Variants in TAX1BP1 observed in about 807,000 individuals in gnomAD.
TAX1BP1 encodes the protein Tax1 binding protein 1.
A neutral mutation model predicts 97.7 loss-of-function variants in TAX1BP1; 62 were observed. The ratio of observed to expected loss-of-function variants is 0.63; its 90% confidence interval spans 0.52 to 0.78. The LOEUF (loss-of-function observed/expected upper bound fraction) is 0.78. TAX1BP1 is among the 30% of genes least tolerant of loss of function. TAX1BP1 has a pLI of 0.00. For synonymous variants in TAX1BP1, 340 were observed against 304.2 expected, an observed-to-expected ratio of 1.12 and a Z score of -1.23; for missense variants, 867 against 916.1, an observed-to-expected ratio of 0.95 and a Z score of 0.69.
At chr7:27,825,697 C>T (rs1347483714) in intron 15 of TAX1BP1, among the ~76,000 whole-genome samples, 3 of 151,788 alleles carry the variant, frequency 2.0e-5, no homozygotes, top group African/African-American at 7.3e-5. Context: ...GTTAACATGT[C>T]TGACAGTTTG....
chr7:27,785,695 T>TA (rs1249241875), intron 7 of TAX1BP1, among the ~76,000 whole-genome samples: 1 of 152,176 alleles, frequency 6.6e-6, no homozygotes, highest in African/African-American at 2.4e-5. Context: ...CAAGATGGCT[T>TA]ACTCCAGTGG....
intron 15 of TAX1BP1, among the ~76,000 whole-genome samples, chr7:27,820,095 A>T (rs148565835): frequency 1.2e-4 from 18 of 152,352 alleles, no homozygotes; most frequent in Middle Eastern, 6.8e-3. Flanking sequence ...CATTTGGGAT[A>T]CGCTATTTTA....
At chr7:27,747,485 A>T (rs1787869716) in intron 1 of TAX1BP1, among the ~76,000 whole-genome samples, 2 of 152,234 alleles carry the variant, frequency 1.3e-5, no homozygotes, top group African/African-American at 4.8e-5. Context: ...TATTTTAATC[A>T]GTAAACATGT....
At chr7:27,743,589 T>G (rs534642704) in intron 1 of TAX1BP1, among the ~76,000 whole-genome samples, 1 of 152,284 alleles carries the variant, frequency 6.6e-6, no homozygotes, top group East Asian at 1.9e-4. Flanking sequence ...TTTATTTGCT[T>G]TGGTTTTACT....
intron 5 of TAX1BP1, among the ~76,000 whole-genome samples, chr7:27,781,354 T>G (rs893428100): frequency 1.3e-5 from 2 of 152,192 alleles, no homozygotes. Flanking sequence ...CAAACCTAGA[T>G]AGTATATCCT....
intron 13 of TAX1BP1, among the ~76,000 whole-genome samples, chr7:27,807,888 A>G (rs893296822): frequency 1.3e-5 from 2 of 152,088 alleles, no homozygotes; most frequent in South Asian, 2.1e-4. Flanking sequence ...GTTTTAGTCA[A>G]TGGATTACAG....
intron 5 of TAX1BP1, among the ~76,000 whole-genome samples, chr7:27,779,076 T>G (rs1382705733): frequency 6.6e-6 from 1 of 152,150 alleles, no homozygotes; most frequent in African/African-American, 2.4e-5. Flanking sequence ...TAATATTTGT[T>G]TAATGATTTT....
At position 27,792,230 on chromosome 7, in the gene TAX1BP1, G is replaced by A. The variant is rs1378190021; in HGVS notation, c.1263G>A (p.Gln421=). Reference sequence around the variant, plus strand: ...AACTAAATGCTATGAAAAAAGATCAGGTAAAACAAGTTAATTTTGAATTTG... The same window carrying A: ...AACTAAATGCTATGAAAAAAGATCAAGTAAAACAAGTTAATTTTGAATTTG... The part of the protein sequence containing the change: ...ELKLNAMKKD[Q]DKTDTLEHEL... The change falls in exon 9 of 17, where the codon CAG becomes CAA. Residue 421 remains glutamine (Q), a splice_region_variant and synonymous_variant. Coordinates refer to ENST00000396319, the MANE Select transcript of TAX1BP1 (RefSeq NM_006024.7). 6.3e-7 allele frequency: 1 copy of A among 1,597,192 alleles called. No individual in the cohort carries two copies. The highest frequency in any genetic ancestry group is 1.3e-5 in the African/African-American group (1 of 74,238).
At chr7:27,762,074 C>G (rs1788449100) in intron 3 of TAX1BP1, among the ~76,000 whole-genome samples, 2 of 152,064 alleles carry the variant, frequency 1.3e-5, no homozygotes, top group South Asian at 2.1e-4. Flanking sequence ...TATGTTTGGT[C>G]TAAACATTAA....
chr7:27,798,957 C>G (rs1386226260), intron 12 of TAX1BP1, among the ~76,000 whole-genome samples: 1 of 150,242 alleles, frequency 6.7e-6, no homozygotes, highest in Non-Finnish European at 1.5e-5. Context: ...TTCTCCAAGT[C>G]TGTAGCTTGC....
chr7:27,754,341 T>C (rs1227197170), intron 2 of TAX1BP1, among the ~76,000 whole-genome samples: 1 of 150,232 alleles, frequency 6.7e-6, no homozygotes, highest in Non-Finnish European at 1.5e-5. Flanking sequence ...ATTTTCTGTT[T>C]TTAAAAAAAG....
At chr7:27,775,952 CA>C (rs1789018065) in intron 5 of TAX1BP1, among the ~76,000 whole-genome samples, 2 of 152,110 alleles carry the variant, frequency 1.3e-5, no homozygotes, top group African/African-American at 4.8e-5. Flanking sequence ...TCTACAGTTA[CA>C]CAAGATCAAA....
intron 13 of TAX1BP1, among the ~76,000 whole-genome samples, chr7:27,801,368 C>T (rs1368742203): frequency 6.6e-6 from 1 of 151,726 alleles, no homozygotes; most frequent in African/African-American, 2.4e-5. Flanking sequence ...GGAGATGTAG[C>T]ACATTACAGG....
chr7:27,767,264 T>G (rs1444174981), intron 4 of TAX1BP1, among the ~76,000 whole-genome samples: 1 of 152,170 alleles, frequency 6.6e-6, no homozygotes, highest in Non-Finnish European at 1.5e-5. Context: ...TATATTCATA[T>G]TTCTTCTATT....
In TAX1BP1 at chr7:27,787,688, C is replaced by T. The variant is rs1214914075; in HGVS notation, c.1038+85C>T. ...ATATGATTTTCATTTTTAATTCCCC[C>T]AAGCTTTTGTTCTAAAAAAGTTCAA... is the stretch of plus-strand genomic sequence containing the variant. On this transcript the variant is annotated intron_variant, in intron 8 of 16. Transcript: ENST00000396319. 5 of 1,259,802 alleles carry T rather than the reference C, an allele frequency of 4.0e-6. No individual in the cohort carries two copies. In the African/African-American group the frequency reaches 6.1e-5, roughly 15 times the overall value. The allele number at this position is 1,259,802 out of a possible 1,614,324, so 78.0% of individuals were successfully genotyped here. A position where few individuals can be genotyped will look rare whatever the true frequency, so the allele number is the denominator to read the frequency against.
chr7:27,788,814 A>G (rs1789588455), intron 8 of TAX1BP1, among the ~76,000 whole-genome samples: 1 of 151,984 alleles, frequency 6.6e-6, no homozygotes. Context: ...CATTTCTCCA[A>G]GAAACTCTGT....
Position 27,806,043 on chromosome 7 carries a change from T to C in TAX1BP1, c.1764+5953T>C, listed in dbSNP as rs74299593. 1.2e-4 allele frequency among the ~76,000 whole-genome samples: 18 copies of C among 152,180 alleles called. No individual in the cohort carries two copies. In the East Asian group the frequency reaches 2.9e-3, roughly 24 times the overall value. On this transcript the variant is annotated intron_variant, in intron 13 of 16. Transcript: ENST00000396319. ...GAAAGCATTCCCTACACCCAGGTTA[T>C]AGAGGAGTTCACTTGTGTTTTGTTC...
intron 2 of TAX1BP1, among the ~76,000 whole-genome samples, chr7:27,752,066 AG>A (rs1169938427): frequency 6.6e-6 from 1 of 152,214 alleles, no homozygotes; most frequent in Non-Finnish European, 1.5e-5. Context: ...TTAGAAGTGA[AG>A]CTTAATCTTA....
chr7:27,744,603 T>A (rs1443060453), intron 1 of TAX1BP1, among the ~76,000 whole-genome samples: 1 of 152,236 alleles, frequency 6.6e-6, no homozygotes, highest in Non-Finnish European at 1.5e-5. Flanking sequence ...TGTACAGAAG[T>A]TCTTACTATG....
Sources: allele counts gnomAD v4.1 joint callset (sites outside exome capture counted in the v4.1 genomes callset), GRCh38; gene constraint gnomAD v4.1.1; transcripts MANE v1.5; gene names NCBI Gene and HGNC (gene_info 2026-07-23, HGNC 2026-07-21).